XPO4: variants seen among roughly 807,000 people sequenced by gnomAD.
XPO4 encodes exportin 4, also known as exportin-4.
In XPO4, 39 loss-of-function variants were observed where a neutral mutation model predicts 143.0. The observed-to-expected ratio is 0.27, with a 90% CI of 0.21 to 0.36. The LOEUF (loss-of-function observed/expected upper bound fraction) is 0.36. Ranked by LOEUF, XPO4 falls within the 10% of genes least tolerant of loss-of-function variation. The pLI is 1.00. For synonymous variants in XPO4, 439 were observed against 474.0 expected, an observed-to-expected ratio of 0.93 and a Z score of 0.96; for missense variants, 907 against 1,348.0, an observed-to-expected ratio of 0.67 and a Z score of 5.12.
At chr13:20,820,367 T>C (rs1261381603) in intron 9 of XPO4, among the ~76,000 whole-genome samples, 1 of 152,226 alleles carries the variant, frequency 6.6e-6, no homozygotes, top group East Asian at 1.9e-4. Flanking sequence ...TTAAAACGTT[T>C]AGGAACACGC....
At chr13:20,876,386 A>G (rs1021564118) in intron 1 of XPO4, among the ~76,000 whole-genome samples, 2 of 152,142 alleles carry the variant, frequency 1.3e-5, no homozygotes, top group Admixed American at 6.6e-5. Flanking sequence ...TGGAATGGGG[A>G]AAATTCCCAG....
chr13:20,826,913 C>A (rs1049152192), intron 7 of XPO4, among the ~76,000 whole-genome samples, 154 bp downstream of exon 7: 2 of 152,100 alleles, frequency 1.3e-5, no homozygotes, highest in African/African-American at 2.4e-5. Flanking sequence ...TTAGCAAGAA[C>A]CTTTTAAAAT....
intron 1 of XPO4, chr13:20,902,320 C>G: frequency 1.0e-6 from 1 of 985,398 alleles, no homozygotes; most frequent in Non-Finnish European, 1.2e-6. Context: ...TTTCCCCTAC[C>G]GAAGCCCTGC....
intron 10 of XPO4, 152 bp from the exon 11 acceptor site, chr13:20,809,377 T>C: frequency 1.1e-6 from 1 of 944,744 alleles, no homozygotes. Context: ...ATCTAGGAAC[T>C]CCCTTCTAAC....
At position 20,801,070 on chromosome 13, in the gene XPO4, T is replaced by C. The variant is rs73437413; in HGVS notation, c.1818-80A>G. 5.1e-3 allele frequency: 7,818 copies of C among 1,518,458 alleles called. 357 individuals carry two copies. The African/African-American group carries it at 0.097, about 19-fold the overall frequency. The allele number at this position is 1,518,458 out of a possible 1,614,324, so 94.1% of individuals were successfully genotyped here. On this transcript the variant is annotated intron_variant, in intron 13 of 22. Transcript: ENST00000255305. ...ATCATATTTTTTTCCTTAAAAGTCC[T>C]TTTTTGTCTTTCAGTTCTCTGGATT...
At chr13:20,898,278 T>C (rs933967453) in intron 1 of XPO4, among the ~76,000 whole-genome samples, 1 of 152,148 alleles carries the variant, frequency 6.6e-6, no homozygotes, top group Non-Finnish European at 1.5e-5. Flanking sequence ...AAAACAAATG[T>C]ATGGGCCGGG....
intron 3 of XPO4, among the ~76,000 whole-genome samples, chr13:20,858,187 T>C (rs976432534): frequency 6.6e-6 from 1 of 151,242 alleles, no homozygotes; most frequent in Non-Finnish European, 1.5e-5. Flanking sequence ...TGTACCTAAA[T>C]AAAGCAAATA....
rs1029663281 is a variant in XPO4 at position 20,862,700 on chromosome 13, C to T, written c.317+17G>A. Reference sequence around the variant, plus strand: ...GCTCAGCAAAAGTATTTCAGCAGTCCCCCTCCATGTACTTACTTGGGCCTT... The same window carrying T: ...GCTCAGCAAAAGTATTTCAGCAGTCTCCCTCCATGTACTTACTTGGGCCTT... On this transcript the variant is annotated intron_variant, in intron 3 of 22. Coordinates refer to ENST00000255305, the MANE Select transcript of XPO4 (RefSeq NM_022459.5). 6.8e-6 allele frequency: 11 copies of T among 1,613,480 alleles called. No individual in the cohort carries two copies. The highest frequency in any genetic ancestry group is 9.3e-6 in the Non-Finnish European group (11 of 1,179,688).
intron 3 of XPO4, among the ~76,000 whole-genome samples, chr13:20,858,924 A>G (rs1444006884): frequency 0.043 from 41 of 948 alleles, no homozygotes; most frequent in African/African-American, 0.061. Context: ...GTGTGTGTGT[A>G]TATATATATA....
intron 4 of XPO4, among the ~76,000 whole-genome samples, chr13:20,853,336 C>CAAAAAAAAAAA (rs56312143): frequency 2.4e-4 from 24 of 101,918 alleles, no homozygotes; most frequent in African/African-American, 5.0e-4. Context: ...GACCCTGTCT[C>CAAAAAAAAAAA]AAAAAAAAAA....
Position 20,796,973 on chromosome 13 carries a change from G to C in XPO4, c.2407C>G (p.Gln803Glu), listed in dbSNP as rs1034404979. ...GCCTCTAGTGTGGCAGTGATTTCCT[G>C]CTTGACTTCCTCTTGCTGACACATC... Reference protein sequence around the residue: ...QQMCQQEEVKQEITATLEALC... With the variant: ...QQMCQQEEVKEEITATLEALC... The change falls in exon 17 of 23, where the codon CAG (glutamine) becomes GAG (glutamate). Residue 803 changes from glutamine to glutamate, a missense_variant. Physicochemically the swap from Gln to Glu is conservative, Grantham distance 29 (BLOSUM62 2). Transcript: ENST00000255305. The C allele has an allele frequency of 6.2e-7, 1 of 1,613,446 alleles. No individual in the cohort carries two copies. Among genetic ancestry groups the C allele is most frequent in the African/African-American group, 1.3e-5 (1 of 74,908 alleles).
chr13:20,831,387 CAACA>C (rs1407630204), intron 6 of XPO4, among the ~76,000 whole-genome samples: 1 of 152,068 alleles, frequency 6.6e-6, no homozygotes, highest in Non-Finnish European at 1.5e-5. Context: ...TTATCTTTTA[CAACA>C]AATATGTCAC....
chr13:20,836,713 C>G (rs996951244), intron 6 of XPO4, among the ~76,000 whole-genome samples: 3 of 152,210 alleles, frequency 2.0e-5, no homozygotes, highest in African/African-American at 7.2e-5. Flanking sequence ...ACTGAGTGTA[C>G]AGCTCAATGG....
intron 6 of XPO4, among the ~76,000 whole-genome samples, chr13:20,832,479 A>C (rs886341040): frequency 2.0e-5 from 3 of 152,192 alleles, no homozygotes; most frequent in Non-Finnish European, 2.9e-5. Context: ...TCCTTTGCCT[A>C]TTCTTATAAT....
chr13:20,874,262 G>T (rs1472584537), intron 1 of XPO4, among the ~76,000 whole-genome samples: 1 of 152,088 alleles, frequency 6.6e-6, no homozygotes, highest in African/African-American at 2.4e-5. Context: ...TGAAAATCTG[G>T]CATTACTGGT....
chr13:20,865,661 CACT>C (rs1304471646), intron 2 of XPO4: 1 of 897,826 alleles, frequency 1.1e-6, no homozygotes, highest in Non-Finnish European at 1.3e-6. Context: ...ACAGGAAAAG[CACT>C]ACATTCTGAC....
At chr13:20,814,496 C>T (rs999218681) in intron 9 of XPO4, among the ~76,000 whole-genome samples, 1 of 152,218 alleles carries the variant, frequency 6.6e-6, no homozygotes, top group African/African-American at 2.4e-5. Context: ...GATAATATAA[C>T]TCATCGAGCA....
intron 2 of XPO4, chr13:20,865,568 A>C (rs979555456): frequency 1.3e-5 from 13 of 971,400 alleles, no homozygotes; most frequent in Non-Finnish European, 1.6e-5. Context: ...TTTAATAATA[A>C]TTATGTAAAT....
chr13:20,797,174 T>G (rs2059369381), intron 16 of XPO4, 117 bp from the exon 17 acceptor site: 1 of 997,170 alleles, frequency 1.0e-6, no homozygotes, highest in Non-Finnish European at 1.4e-6. Context: ...GACAAGCACA[T>G]AACAAAGAAT....
Sources: allele counts gnomAD v4.1 joint callset (sites outside exome capture counted in the v4.1 genomes callset), GRCh38; gene constraint gnomAD v4.1.1; transcripts MANE v1.5; gene names NCBI Gene and HGNC (gene_info 2026-07-23, HGNC 2026-07-21).